Variants in PDZRN4 observed in about 807,000 individuals in gnomAD.
PDZRN4 encodes PDZ domain-containing RING finger protein 4.
Under a neutral mutation model 99.0 loss-of-function variants are expected in PDZRN4, and 70 were observed. That is an observed-to-expected ratio of 0.71 (90% CI 0.58 to 0.86). The LOEUF (loss-of-function observed/expected upper bound fraction) is 0.86, where lower values mean the gene tolerates loss of function less well. Ranked by LOEUF, PDZRN4 falls within the 40% of genes least tolerant of loss-of-function variation. The pLI is 0.00. For missense variants in PDZRN4, 1,474 were observed against 1,331.2 expected (o/e 1.11, Z -1.67); for synonymous variants, 551 against 501.6 (o/e 1.10, Z -1.32).
chr12:41,513,302 T>C (rs1188433465), intron 5 of PDZRN4, among the ~76,000 whole-genome samples: 4 of 152,042 alleles, frequency 2.6e-5, no homozygotes, highest in Non-Finnish European at 4.4e-5. Context: ...GGAACCTCTA[T>C]GAAAATTTAA....
intron 3 of PDZRN4, among the ~76,000 whole-genome samples, chr12:41,432,601 C>T (rs993239923): frequency 6.6e-6 from 1 of 152,120 alleles, no homozygotes; most frequent in Admixed American, 6.5e-5. Flanking sequence ...GTTAATGTTG[C>T]TCTTACATGT....
At chr12:41,470,496 T>G (rs1952977170) in intron 3 of PDZRN4, among the ~76,000 whole-genome samples, 1 of 152,186 alleles carries the variant, frequency 6.6e-6, no homozygotes. Context: ...CACTTCCTTT[T>G]TTTTTAATTT....
chr12:41,313,429 G>T (rs1239230595), intron 3 of PDZRN4, among the ~76,000 whole-genome samples: 2 of 152,116 alleles, frequency 1.3e-5, no homozygotes, highest in Non-Finnish European at 2.9e-5. Context: ...TGCTCTCACT[G>T]GCAAACCCAG....
intron 3 of PDZRN4, among the ~76,000 whole-genome samples, chr12:41,450,650 C>T (rs1481183785): frequency 3.3e-5 from 5 of 149,826 alleles, no homozygotes; most frequent in Non-Finnish European, 5.9e-5. Flanking sequence ...GACCAAGTGC[C>T]GTGGCTCATG....
chr12:41,325,480 G>A (rs1323978320), intron 3 of PDZRN4, among the ~76,000 whole-genome samples: 1 of 152,084 alleles, frequency 6.6e-6, no homozygotes, highest in African/African-American at 2.4e-5. Context: ...CCATCTCTGA[G>A]GAAATAAGAT....
intron 3 of PDZRN4, among the ~76,000 whole-genome samples, chr12:41,273,221 T>C (rs1202545038): frequency 6.6e-6 from 1 of 152,092 alleles, no homozygotes; most frequent in Non-Finnish European, 1.5e-5. Flanking sequence ...GCTCAGTTTC[T>C]TCTTCCAAAG....
intron 3 of PDZRN4, among the ~76,000 whole-genome samples, chr12:41,208,010 A>C (rs1354306526): frequency 1.3e-5 from 2 of 151,570 alleles, no homozygotes; most frequent in Admixed American, 6.6e-5. Flanking sequence ...TGGCACTTGG[A>C]GTTTGTAATA....
At chr12:41,508,153 G>A (rs1376718260) in intron 4 of PDZRN4, among the ~76,000 whole-genome samples, 1 of 152,064 alleles carries the variant, frequency 6.6e-6, no homozygotes, top group Non-Finnish European at 1.5e-5. Flanking sequence ...CTAAGATGAG[G>A]GAACAGATAT....
At chr12:41,277,590 G>A (rs1303462565) in intron 3 of PDZRN4, among the ~76,000 whole-genome samples, 4 of 152,142 alleles carry the variant, frequency 2.6e-5, no homozygotes, top group African/African-American at 4.8e-5. Flanking sequence ...GGTCCAGGTG[G>A]GTGGATGATT....
intron 3 of PDZRN4, among the ~76,000 whole-genome samples, chr12:41,205,944 A>T (rs972596951): frequency 6.6e-6 from 1 of 151,918 alleles, no homozygotes; most frequent in Non-Finnish European, 1.5e-5. Flanking sequence ...AGAATCACAC[A>T]ATAGCTATTC....
At chr12:41,442,244 C>T (rs1407790745) in intron 3 of PDZRN4, among the ~76,000 whole-genome samples, 1 of 152,116 alleles carries the variant, frequency 6.6e-6, no homozygotes, top group Non-Finnish European at 1.5e-5. Flanking sequence ...TTGTAACTTA[C>T]TTCCACTTTT....
intron 3 of PDZRN4, among the ~76,000 whole-genome samples, chr12:41,266,384 T>C (rs1415908060): frequency 6.6e-6 from 1 of 152,122 alleles, no homozygotes; most frequent in Non-Finnish European, 1.5e-5. Flanking sequence ...CTCTTGGTAT[T>C]GATACTAACT....
intron 3 of PDZRN4, among the ~76,000 whole-genome samples, chr12:41,286,336 CTTTTTTTTTT>C (rs71081721): frequency 1.9e-5 from 2 of 106,298 alleles, no homozygotes; most frequent in East Asian, 2.8e-4. Flanking sequence ...CCTTCTTCTT[CTTTTTTTTTT>C]TTTTTTTTTT....
rs1346836767 is a variant in PDZRN4, at chr12:41,472,195, G to T, written c.844-34261G>T. 2.0e-5 allele frequency among the ~76,000 whole-genome samples: 3 copies of T among 152,194 alleles called. No homozygotes were observed. In the East Asian group the frequency reaches 5.8e-4, roughly 29 times the overall value. On this transcript the variant is annotated intron_variant, in intron 3 of 9. Transcript: ENST00000402685. Reference sequence around the variant, plus strand: ...ATTTTGTATTTTTAGTAGAGATGGGGTTTCTCCATGTTGGTCAAGCTGGCC... The same window carrying T: ...ATTTTGTATTTTTAGTAGAGATGGGTTTTCTCCATGTTGGTCAAGCTGGCC...
chr12:41,537,385 A>G (rs938723100), intron 5 of PDZRN4, among the ~76,000 whole-genome samples: 6 of 152,222 alleles, frequency 3.9e-5, no homozygotes, highest in Non-Finnish European at 8.8e-5. Flanking sequence ...TTGGAAACTC[A>G]TAGTTCACTA....
At chr12:41,300,852 T>C (rs2120929896) in intron 3 of PDZRN4, among the ~76,000 whole-genome samples, 1 of 151,970 alleles carries the variant, frequency 6.6e-6, no homozygotes, top group South Asian at 2.1e-4. Flanking sequence ...AAAATAAATA[T>C]GTCTTTCTAG....
At chr12:41,293,655 GC>G (rs1951471888) in intron 3 of PDZRN4, among the ~76,000 whole-genome samples, 1 of 152,080 alleles carries the variant, frequency 6.6e-6, no homozygotes, top group African/African-American at 2.4e-5. Flanking sequence ...ACTCATCCTG[GC>G]AAAAGGAAAT....
chr12:41,197,076 G>A (rs1950778222), intron 3 of PDZRN4, among the ~76,000 whole-genome samples: 1 of 151,936 alleles, frequency 6.6e-6, no homozygotes, highest in Admixed American at 6.6e-5. Flanking sequence ...AACAATAAGA[G>A]ATTCTATGGT....
At chr12:41,431,067 T>C (rs1372601855) in intron 3 of PDZRN4, among the ~76,000 whole-genome samples, 1 of 152,160 alleles carries the variant, frequency 6.6e-6, no homozygotes, top group Non-Finnish European at 1.5e-5. Context: ...TAAACCATGA[T>C]CTAATCACCT....
Sources: allele counts gnomAD v4.1 joint callset (sites outside exome capture counted in the v4.1 genomes callset), GRCh38; gene constraint gnomAD v4.1.1; transcripts MANE v1.5; gene names NCBI Gene and HGNC (gene_info 2026-07-23, HGNC 2026-07-21).